The following PLAAT3 variants were observed in gnomAD, a reference collection of about 807,000 sequenced individuals.
The protein encoded by PLAAT3 is Ca-independent phospholipase A1/2.
A neutral mutation model predicts 16.7 loss-of-function variants in PLAAT3; 21 were observed. The ratio of observed to expected loss-of-function variants is 1.26; its 90% CI spans 0.89 to 1.81. PLAAT3 has a LOEUF of 1.81. PLAAT3 is among the 40% of genes most tolerant of loss of function. The probability of loss-of-function intolerance (pLI) is 0.00; values close to 1 mark genes in which losing one functional copy is unlikely to be tolerated. For synonymous variants in PLAAT3, 76 were observed against 81.7 expected (o/e 0.93, Z 0.38); for missense variants, 219 against 213.7 (o/e 1.02, Z -0.16).
At position 63,590,040 on chromosome 11, in the gene PLAAT3, C is replaced by T. The variant is rs144236849; in HGVS notation, c.387+60G>A. 1.2e-3 allele frequency: 1,887 copies of T among 1,543,986 alleles called. 23 individuals are homozygous for T. In the African/African-American group the frequency reaches 0.021, roughly 17 times the overall value. On this transcript the variant is annotated intron_variant, in intron 4 of 4. Transcript: ENST00000415826. ...TCATGCCTCCATAGCCATGCCCAGC[C>T]TCCGTCAGCAGAGGGAATGGTCTGG...
chr11:63,595,401 T>A (rs1938264695), intron 3 of PLAAT3, among the ~76,000 whole-genome samples: 1 of 151,822 alleles, frequency 6.6e-6, no homozygotes. Context: ...AGCATATTCA[T>A]ATAACAGAAA....
intron 4 of PLAAT3, among the ~76,000 whole-genome samples, chr11:63,583,582 G>A (rs1264499828): frequency 6.6e-6 from 1 of 152,154 alleles, no homozygotes; most frequent in Non-Finnish European, 1.5e-5. Context: ...AACTTGATGG[G>A]AAAAACTCTC....
At chr11:63,611,398 C>T (rs1174716681) in intron 2 of PLAAT3, among the ~76,000 whole-genome samples, 5 of 152,176 alleles carry the variant, frequency 3.3e-5, no homozygotes, top group African/African-American at 7.2e-5. Context: ...GTCTTATTCA[C>T]CTAAATTCTA....
intron 4 of PLAAT3, among the ~76,000 whole-genome samples, chr11:63,584,803 C>T (rs1937922724): frequency 6.6e-6 from 1 of 152,066 alleles, no homozygotes; most frequent in Admixed American, 6.6e-5. Flanking sequence ...AGCCACCGCA[C>T]CTGGCCATAA....
chr11:63,616,059 C>G (rs1293489188), upstream of PLAAT3, among the ~76,000 whole-genome samples: 1 of 152,106 alleles, frequency 6.6e-6, no homozygotes, highest in Non-Finnish European at 1.5e-5. Flanking sequence ...ATAACTAAAT[C>G]GAGCTAATTA....
chr11:63,581,835 C>T (rs1260018791), intron 4 of PLAAT3, among the ~76,000 whole-genome samples: 1 of 152,164 alleles, frequency 6.6e-6, no homozygotes, highest in Admixed American at 6.6e-5. Flanking sequence ...GCCTGGCCAA[C>T]ACTTACGGAA....
intron 4 of PLAAT3, among the ~76,000 whole-genome samples, chr11:63,580,728 A>T (rs1937786116): frequency 1.3e-5 from 2 of 152,216 alleles, no homozygotes; most frequent in South Asian, 4.1e-4. Flanking sequence ...AAAGTTCCTT[A>T]AAAGGTAGAA....
intron 3 of PLAAT3, among the ~76,000 whole-genome samples, chr11:63,592,680 C>A (rs1425871462): frequency 6.6e-6 from 1 of 152,146 alleles, no homozygotes; most frequent in Non-Finnish European, 1.5e-5. Flanking sequence ...CATTATGCAA[C>A]CTTGGGTAAG....
chr11:63,614,351 A>C, intron 1 of PLAAT3, 34 bp downstream of exon 1: 2 of 360,346 alleles, frequency 5.6e-6, no homozygotes, highest in South Asian at 5.2e-5. Flanking sequence ...GCCCGGCCTT[A>C]TCGCACCCTT....
intron 4 of PLAAT3, among the ~76,000 whole-genome samples, chr11:63,588,900 T>A (rs1938055679): frequency 7.2e-6 from 1 of 138,944 alleles, no homozygotes; most frequent in Non-Finnish European, 1.5e-5. Flanking sequence ...TTCCTATAGG[T>A]GGTGTTAGTC....
chr11:63,580,186 G>T (rs1937765360), intron 4 of PLAAT3, among the ~76,000 whole-genome samples: 1 of 152,230 alleles, frequency 6.6e-6, no homozygotes, highest in South Asian at 2.1e-4. Flanking sequence ...AGTAAAGGGA[G>T]ATTCCAGGAT....
chr11:63,606,168 T>C (rs941998840), intron 2 of PLAAT3, among the ~76,000 whole-genome samples: 4 of 152,056 alleles, frequency 2.6e-5, no homozygotes, highest in Non-Finnish European at 5.9e-5. Flanking sequence ...CACCTCTGCT[T>C]TGGAGGGCCT....
intron 4 of PLAAT3, among the ~76,000 whole-genome samples, chr11:63,587,295 G>A (rs1938006564): frequency 6.6e-6 from 1 of 151,978 alleles, no homozygotes; most frequent in Non-Finnish European, 1.5e-5. Flanking sequence ...CACTGAGGAT[G>A]AAGAGAAGAT....
intron 3 of PLAAT3, among the ~76,000 whole-genome samples, chr11:63,596,824 G>A (rs1250413698): frequency 6.6e-6 from 1 of 151,712 alleles, no homozygotes; most frequent in African/African-American, 2.4e-5. Flanking sequence ...CTCCGGACAT[G>A]GTGGCTCATG....
chr11:63,599,604 G>T (rs927609403), intron 2 of PLAAT3, among the ~76,000 whole-genome samples: 1 of 152,080 alleles, frequency 6.6e-6, no homozygotes. Context: ...TTCTTTTGTT[G>T]CAGTAAATAT....
intron 4 of PLAAT3, among the ~76,000 whole-genome samples, chr11:63,577,157 G>A (rs1937638568): frequency 6.6e-6 from 1 of 150,864 alleles, no homozygotes; most frequent in South Asian, 2.1e-4. Context: ...CATGATGGTT[G>A]GCAAGTGCAC....
intron 4 of PLAAT3, among the ~76,000 whole-genome samples, chr11:63,583,312 T>C (rs888287606): frequency 1.8e-4 from 27 of 152,294 alleles, no homozygotes; most frequent in South Asian, 4.1e-4. Flanking sequence ...TAAAATCACT[T>C]GTATCCAGCA....
In PLAAT3 at chr11:63,598,140, C is replaced by A; in HGVS notation, c.39G>T (p.Leu13=). Reference sequence around the variant, plus strand: ...TGTAGAAAGGGCGAAAAATCTCAATCAGGTCTCCAGGCTTAGGCTCTGGCT... The same window carrying A: ...TGTAGAAAGGGCGAAAAATCTCAATAAGGTCTCCAGGCTTAGGCTCTGGCT... ...APIPEPKPGD[L]IEIFRPFYRH... Residue 13 remains leucine, a synonymous_variant, in exon 3 of 5, where the codon CTG becomes CTT. Transcript: ENST00000415826. 2.5e-6 allele frequency: 4 copies of A among 1,613,902 alleles called. No homozygotes were observed. The highest frequency in any genetic ancestry group is 2.5e-6 in the Non-Finnish European group (3 of 1,179,762).
chr11:63,594,999 C>T (rs776305132), intron 3 of PLAAT3, among the ~76,000 whole-genome samples: 1 of 152,000 alleles, frequency 6.6e-6, no homozygotes, highest in Non-Finnish European at 1.5e-5. Flanking sequence ...ATGCAAAAGA[C>T]ATGTTCAAGG....
Sources: allele counts gnomAD v4.1 joint callset (sites outside exome capture counted in the v4.1 genomes callset), GRCh38; gene constraint gnomAD v4.1.1; transcripts MANE v1.5; gene names NCBI Gene and HGNC (gene_info 2026-07-23, HGNC 2026-07-21).